DYNC1I1: variants seen among roughly 807,000 people sequenced by gnomAD.
The protein encoded by DYNC1I1 is cytoplasmic dynein 1 intermediate chain 1.
In DYNC1I1, 43 loss-of-function variants were observed where a neutral mutation model predicts 86.6. The observed-to-expected ratio is 0.50, with a 90% CI of 0.39 to 0.64. The LOEUF (loss-of-function observed/expected upper bound fraction) is 0.64, where lower values mean the gene tolerates loss of function less well. Ranked by LOEUF, DYNC1I1 falls within the 30% of genes least tolerant of loss-of-function variation. The probability of loss-of-function intolerance (pLI) is 0.00; values close to 1 mark genes in which losing one functional copy is unlikely to be tolerated. For synonymous variants in DYNC1I1, 262 were observed against 283.7 expected (o/e 0.92, Z 0.77); for missense variants, 604 against 788.8 (o/e 0.77, Z 2.81).
intron 6 of DYNC1I1, among the ~76,000 whole-genome samples, chr7:95,952,133 C>T (rs375676023): frequency 6.6e-5 from 10 of 151,958 alleles, no homozygotes; most frequent in African/African-American, 2.4e-4. Context: ...TATTTTCTAC[C>T]TTCCTTTTAT....
At chr7:95,818,638 G>A in intron 4 of DYNC1I1, 1 of 500,710 alleles carries the variant, frequency 2.0e-6, no homozygotes, top group Non-Finnish European at 3.6e-6. Context: ...GACCCATTGT[G>A]CCCAGCCTAA....
At chr7:96,100,681 T>TGTGTGTGTGTGG (rs1791121719), downstream of DYNC1I1, among the ~76,000 whole-genome samples, 2 of 150,292 alleles carry the variant, frequency 1.3e-5, no homozygotes, top group East Asian at 2.0e-4. Context: ...TGTGTGTGTG[T>TGTGTGTGTGTGG]GGTAAGGAAG....
At chr7:95,818,639 C>A in intron 4 of DYNC1I1, 1 of 499,964 alleles carries the variant, frequency 2.0e-6, no homozygotes, top group Non-Finnish European at 3.6e-6. Flanking sequence ...ACCCATTGTG[C>A]CCAGCCTAAA....
chr7:95,844,256 A>G (rs1398308225), intron 5 of DYNC1I1, among the ~76,000 whole-genome samples: 1 of 152,224 alleles, frequency 6.6e-6, no homozygotes, highest in East Asian at 1.9e-4. Context: ...TTTACGTATT[A>G]GTATATCAAA....
chr7:96,041,650 A>C (rs1033042299), intron 14 of DYNC1I1, among the ~76,000 whole-genome samples: 6 of 152,218 alleles, frequency 3.9e-5, no homozygotes, highest in African/African-American at 1.4e-4. Flanking sequence ...ATAAGAAAAA[A>C]TGAAGAAGAC....
chr7:95,990,271 G>A (rs1584231247), intron 9 of DYNC1I1, among the ~76,000 whole-genome samples: 1 of 152,224 alleles, frequency 6.6e-6, no homozygotes, highest in East Asian at 1.9e-4. Flanking sequence ...TCAGATGTGT[G>A]CAGAATCAGA....
In DYNC1I1 at chr7:96,020,503, C is replaced by G. The variant is rs186016193; in HGVS notation, c.970-7672C>G. Among the ~76,000 whole-genome samples, 658 of 152,292 alleles carry G rather than the reference C, an allele frequency of 4.3e-3. 4 individuals are homozygous for G. The highest frequency in any genetic ancestry group is 7.5e-3 in the Non-Finnish European group (509 of 68,022). On this transcript the variant is annotated intron_variant, in intron 10 of 16. Transcript: ENST00000447467. ...ACCTGCCCCCATGATCCAGTTACCT[C>G]CCACTGGGTCCCTCCCACAACACGT...
chr7:96,016,430 G>C (rs1019609498), intron 10 of DYNC1I1, among the ~76,000 whole-genome samples: 1 of 151,756 alleles, frequency 6.6e-6, no homozygotes. Flanking sequence ...TACCAGCAAG[G>C]GATTGAGTGA....
intron 6 of DYNC1I1, among the ~76,000 whole-genome samples, chr7:95,949,188 G>C (rs1792486491): frequency 6.6e-6 from 1 of 152,188 alleles, no homozygotes; most frequent in African/African-American, 2.4e-5. Context: ...AAAAAGGAGA[G>C]TGTGGGCAAG....
intron 6 of DYNC1I1, among the ~76,000 whole-genome samples, chr7:95,876,893 G>A (rs747411580): frequency 3.3e-5 from 5 of 151,936 alleles, no homozygotes; most frequent in Admixed American, 6.6e-5. Flanking sequence ...CAACAAAACC[G>A]CACAACTATT....
In DYNC1I1 at chr7:96,028,074, G is replaced by T. The variant is rs565359613; in HGVS notation, c.970-101G>T. On this transcript the variant is annotated intron_variant, in intron 10 of 16. Coordinates refer to ENST00000447467, the MANE Select transcript of DYNC1I1 (RefSeq NM_001135556.2). The stretch of plus-strand genomic sequence containing the variant: ...CTTTAAATTATTTTTTTGTTTTCCA[G>T]GATGTGTTGAGTTTATGTGATGAAC... 120 of 1,449,164 alleles carry T rather than the reference G, an allele frequency of 8.3e-5. 2 individuals carry two copies. In the South Asian group the frequency reaches 1.7e-3, roughly 21 times the overall value. The allele number at this position is 1,449,164 out of a possible 1,614,324, so 89.8% of individuals were successfully genotyped here. A position where few individuals can be genotyped will look rare whatever the true frequency, so the allele number is the denominator to read the frequency against.
At chr7:95,969,946 G>A (rs968361420) in intron 6 of DYNC1I1, among the ~76,000 whole-genome samples, 3 of 152,192 alleles carry the variant, frequency 2.0e-5, no homozygotes, top group Non-Finnish European at 4.4e-5. Flanking sequence ...AGTGCTTACT[G>A]AAAATCCCAC....
chr7:95,780,552 A>C (rs1793965941), intron 1 of DYNC1I1, among the ~76,000 whole-genome samples: 1 of 151,566 alleles, frequency 6.6e-6, no homozygotes, highest in Non-Finnish European at 1.5e-5. Context: ...TGCTGGGATT[A>C]CAGGTGTGAG....
At chr7:95,894,250 G>A (rs1790817377) in intron 6 of DYNC1I1, among the ~76,000 whole-genome samples, 1 of 151,978 alleles carries the variant, frequency 6.6e-6, no homozygotes, top group South Asian at 2.1e-4. Context: ...AGGCTGGAAA[G>A]TCCAAGATCA....
chr7:95,934,994 A>G (rs1270476628), intron 6 of DYNC1I1, among the ~76,000 whole-genome samples: 1 of 151,286 alleles, frequency 6.6e-6, no homozygotes, highest in Non-Finnish European at 1.5e-5. Flanking sequence ...GAAACACTTA[A>G]CATAAGATCT....
chr7:96,086,609 A>G (rs905384341), intron 16 of DYNC1I1, among the ~76,000 whole-genome samples: 1 of 152,174 alleles, frequency 6.6e-6, no homozygotes, highest in South Asian at 2.1e-4. Flanking sequence ...TGATACGACT[A>G]TTTGGGGGCC....
intron 4 of DYNC1I1, among the ~76,000 whole-genome samples, chr7:95,822,332 T>C (rs1290567550): frequency 1.3e-5 from 2 of 152,228 alleles, no homozygotes; most frequent in Non-Finnish European, 2.9e-5. Context: ...ACGGCTAGTT[T>C]GAAGAATTTT....
chr7:96,061,934 T>A (rs1341791459), intron 14 of DYNC1I1, among the ~76,000 whole-genome samples: 2 of 152,048 alleles, frequency 1.3e-5, no homozygotes, highest in Admixed American at 1.3e-4. Flanking sequence ...TAAGGCGGGG[T>A]GATAACATTT....
intron 14 of DYNC1I1, among the ~76,000 whole-genome samples, chr7:96,074,407 C>A (rs1223431945): frequency 5.3e-5 from 8 of 151,978 alleles, no homozygotes; most frequent in Admixed American, 2.6e-4. Context: ...AAAAAGTAGT[C>A]GGGCCTGGTG....
Sources: allele counts gnomAD v4.1 joint callset (sites outside exome capture counted in the v4.1 genomes callset), GRCh38; gene constraint gnomAD v4.1.1; transcripts MANE v1.5; gene names NCBI Gene and HGNC (gene_info 2026-07-23, HGNC 2026-07-21).